PTPRD: variants seen among roughly 807,000 people sequenced by gnomAD.
PTPRD encodes the protein receptor-type tyrosine-protein phosphatase delta.
In PTPRD, 34 loss-of-function variants were observed where a neutral mutation model predicts 214.5. The observed-to-expected ratio is 0.16, with a 90% confidence interval of 0.12 to 0.21. The LOEUF (loss-of-function observed/expected upper bound fraction) is 0.21, where lower values mean the gene tolerates loss of function less well. Ranked by LOEUF, PTPRD falls within the 10% of genes least tolerant of loss-of-function variation. PTPRD has a pLI of 1.00. For synonymous variants in PTPRD, 1,128 were observed against 845.7 expected, an observed-to-expected ratio of 1.33 and a Z score of -5.79; for missense variants, 2,545 against 2,398.7, an observed-to-expected ratio of 1.06 and a Z score of -1.27.
At position 9,434,403 on chromosome 9, in the gene PTPRD, T is replaced by C. The variant is rs527493404; in HGVS notation, c.-236-36921A>G. ...TGGTAGGGTATCCTGTGTTCATGCA[T>C]TGGAAGAATGAATAATGTTAAAATG... On this transcript the variant is annotated intron_variant, in intron 8 of 45. Transcript: ENST00000381196. Among the ~76,000 whole-genome samples the C allele has an allele frequency of 4.5e-4, 69 of 152,254 alleles. 1 individual carries two copies. In the South Asian group the frequency reaches 0.012, roughly 27 times the overall value.
chr9:10,012,425 T>C (rs532337888), intron 4 of PTPRD, among the ~76,000 whole-genome samples: 13 of 152,090 alleles, frequency 8.5e-5, no homozygotes, highest in African/African-American at 3.1e-4. Flanking sequence ...TTTTCACTTA[T>C]GTGTAAGATG....
At position 10,585,747 on chromosome 9, in the gene PTPRD, A is replaced by G. The variant is rs181825399; in HGVS notation, c.-600+26651T>C. Among the ~76,000 whole-genome samples, 22 of 151,850 alleles carry G rather than the reference A, an allele frequency of 1.4e-4. No homozygotes were observed. The East Asian group carries it at 4.1e-3, about 28-fold the overall frequency. On this transcript the variant is annotated intron_variant, in intron 2 of 45. Coordinates refer to ENST00000381196, the MANE Select transcript of PTPRD (RefSeq NM_002839.4). ...CACAAACACACCACACATAACACAC[A>G]CAAGTGTGTGGGGGGAAAAGGGCCC...
At chr9:9,644,397 G>C (rs1267311959) in intron 7 of PTPRD, among the ~76,000 whole-genome samples, 2 of 152,160 alleles carry the variant, frequency 1.3e-5, no homozygotes, top group African/African-American at 2.4e-5. Context: ...ACAATCATAT[G>C]AACTGTCTCC....
At chr9:10,187,651 A>C (rs1359552448) in intron 3 of PTPRD, among the ~76,000 whole-genome samples, 2 of 152,216 alleles carry the variant, frequency 1.3e-5, no homozygotes, top group African/African-American at 2.4e-5. Flanking sequence ...TTCTCCCTTC[A>C]GCCGTGAAGG....
In PTPRD at chr9:8,319,964, G is replaced by A. The variant is rs1825701502; in HGVS notation, c.5537C>T (p.Ala1846Val). The A allele has an allele frequency of 9.9e-6, 16 of 1,611,238 alleles. No individual in the cohort carries two copies. The highest frequency in any genetic ancestry group is 3.3e-4 in the Middle Eastern group (2 of 6,030). Residue 1846 changes from alanine (A) to valine (V), a missense_variant and splice_region_variant, in exon 45 of 46, where the codon GCG (alanine) becomes GTG (valine). Physicochemically the swap from Ala to Val is moderately conservative, Grantham distance 64. Transcript: ENST00000381196. ...QDGPISVHCS[A>V]GVGRTGVFIT... The stretch of plus-strand genomic sequence containing the variant: ...GAAGACTCCAGTTCTTCCAACGCCC[G>A]CGCTGCCACAATAACAAAGGCGATG...
intron 10 of PTPRD, among the ~76,000 whole-genome samples, chr9:9,069,470 T>C (rs2099740558): frequency 6.6e-6 from 1 of 152,184 alleles, no homozygotes; most frequent in African/African-American, 2.4e-5. Flanking sequence ...GAAAGGACTG[T>C]AAACTTAAAG....
intron 11 of PTPRD, among the ~76,000 whole-genome samples, chr9:8,944,590 T>C (rs895282190): frequency 6.6e-6 from 1 of 152,146 alleles, no homozygotes; most frequent in African/African-American, 2.4e-5. Context: ...AATGAGATCC[T>C]GTCATTTGCA....
chr9:9,104,290 T>C (rs907387779), intron 10 of PTPRD, among the ~76,000 whole-genome samples: 5 of 152,032 alleles, frequency 3.3e-5, no homozygotes, highest in African/African-American at 1.2e-4. Flanking sequence ...CATGTAATTA[T>C]CATGTATCAT....
rs537943048 is a variant in PTPRD at position 9,320,283 on chromosome 9, C to T, written c.-203+77166G>A. On this transcript the variant is annotated intron_variant, in intron 9 of 45. Coordinates refer to ENST00000381196, the MANE Select transcript of PTPRD (RefSeq NM_002839.4). ...TTTTTTTTTCCCTCACATATCATCA[C>T]CCATAGACAATACGGAGAAGAAGGT... 1.3e-4 allele frequency among the ~76,000 whole-genome samples: 20 copies of T among 152,052 alleles called. No homozygotes were observed. The South Asian group carries it at 4.2e-3, about 32-fold the overall frequency.
chr9:9,589,380 T>C (rs1180452932), intron 7 of PTPRD, among the ~76,000 whole-genome samples: 6 of 151,908 alleles, frequency 3.9e-5, no homozygotes, highest in Non-Finnish European at 8.8e-5. Context: ...TCTTGTTAAC[T>C]CTTGTGGCAT....
At chr9:8,637,948 T>C (rs747625966) in intron 12 of PTPRD, among the ~76,000 whole-genome samples, 1 of 152,108 alleles carries the variant, frequency 6.6e-6, no homozygotes, top group Non-Finnish European at 1.5e-5. Flanking sequence ...CACACAAAGA[T>C]TGAACAAAGT....
intron 11 of PTPRD, among the ~76,000 whole-genome samples, chr9:8,850,520 C>A (rs1301579061): frequency 6.6e-6 from 1 of 152,068 alleles, no homozygotes; most frequent in East Asian, 1.9e-4. Context: ...TTTTATTCCT[C>A]TAGAAAAACA....
intron 3 of PTPRD, among the ~76,000 whole-genome samples, chr9:10,105,170 A>T (rs972327009): frequency 6.6e-6 from 1 of 151,404 alleles, no homozygotes; most frequent in Non-Finnish European, 1.5e-5. Context: ...TATTTTACTG[A>T]TTTTTTTTCT....
At chr9:10,494,743 A>C (rs2041513913) in intron 2 of PTPRD, among the ~76,000 whole-genome samples, 2 of 151,368 alleles carry the variant, frequency 1.3e-5, no homozygotes, top group Admixed American at 6.6e-5. Flanking sequence ...TTACAGATGA[A>C]TCTGATTATT....
At chr9:9,483,635 A>T (rs995113298) in intron 8 of PTPRD, among the ~76,000 whole-genome samples, 9 of 152,132 alleles carry the variant, frequency 5.9e-5, no homozygotes, top group African/African-American at 2.2e-4. Context: ...TAGAGGGCTT[A>T]TAGAATCCTC....
intron 9 of PTPRD, among the ~76,000 whole-genome samples, chr9:9,197,796 A>G (rs1427480956): frequency 2.0e-5 from 3 of 152,158 alleles, no homozygotes; most frequent in Non-Finnish European, 4.4e-5. Flanking sequence ...CAGATACTCA[A>G]TAAATGATTT....
chr9:9,989,016 C>CAA (rs397836899), intron 4 of PTPRD, among the ~76,000 whole-genome samples: 2,523 of 36,106 alleles, frequency 0.07, 516 homozygotes, highest in Non-Finnish European at 0.11. Flanking sequence ...TTTCACTGAC[C>CAA]AAAAAAAAAA....
At chr9:9,327,349 C>T (rs2040378224) in intron 9 of PTPRD, among the ~76,000 whole-genome samples, 1 of 152,116 alleles carries the variant, frequency 6.6e-6, no homozygotes, top group South Asian at 2.1e-4. Context: ...ATATGCTTCC[C>T]ATAGTGTCTA....
chr9:8,963,205 G>C (rs968664024), intron 11 of PTPRD: 11 of 152,068 alleles, frequency 7.2e-5, no homozygotes, highest in Admixed American at 1.3e-4. Flanking sequence ...TGTAATTTGG[G>C]AATACTTGAT....
Sources: allele counts gnomAD v4.1 joint callset (sites outside exome capture counted in the v4.1 genomes callset), GRCh38; gene constraint gnomAD v4.1.1; transcripts MANE v1.5; gene names NCBI Gene and HGNC (gene_info 2026-07-23, HGNC 2026-07-21).